The following DBN1 variants were observed in gnomAD, a reference collection of about 807,000 sequenced individuals.
DBN1 encodes drebrin.
A neutral mutation model predicts 83.5 loss-of-function variants in DBN1; 21 were observed. The observed-to-expected ratio is 0.25, with a 90% CI of 0.18 to 0.36. The LOEUF (loss-of-function observed/expected upper bound fraction) is 0.36. Among genes scored for constraint, DBN1 ranks in the 10% least tolerant of loss-of-function variants. The probability of loss-of-function intolerance (pLI) is 1.00; values close to 1 mark genes in which losing one functional copy is unlikely to be tolerated. For synonymous variants in DBN1, 381 were observed against 384.9 expected (o/e 0.99, Z 0.12); for missense variants, 874 against 935.7 (o/e 0.93, Z 0.86).
chr5:177,459,728 C>A lies in DBN1; in HGVS notation c.968G>T (p.Cys323Phe). ...PFNHRPGRPY[C>F]PFIKASDSGP... ...ACTGTCCGATGCCTTTATGAAAGGG[C>A]AGTACGGACGACCTGCCGAGAGAGA... The change falls in exon 11 of 15, where the codon TGC becomes TTC. Residue 323 changes from cysteine to phenylalanine, a missense_variant. Cys to Phe is a radical substitution (Grantham distance 205). Transcript: ENST00000393565. 2 of 1,534,878 alleles carry A rather than the reference C, an allele frequency of 1.3e-6. No individual in the cohort carries two copies. Among genetic ancestry groups the A allele is most frequent in the South Asian group, 2.5e-5 (2 of 79,946 alleles).
chr5:177,457,924 T>A (rs188055232), intron 13 of DBN1, 134 bp downstream of exon 13: 8,552 of 793,620 alleles, frequency 0.011, 49 homozygotes, highest in Middle Eastern at 0.017. Flanking sequence ...GGAGGGAGGG[T>A]GGGATGGACT....
Position 177,458,677 on chromosome 5 carries a change from C to T in DBN1, c.1295G>A (p.Ser432Asn), listed in dbSNP as rs991298884. 5.1e-6 allele frequency: 8 copies of T among 1,561,062 alleles called. No individual in the cohort carries two copies. The highest frequency in any genetic ancestry group is 6.9e-6 in the Non-Finnish European group (8 of 1,157,478). ...ETQEPSPILD[S>N]EETRAAAPQA... ...AGGGGCTGCTGCTCTGGTCTCCTCA[C>T]TGTCTAGGATGGGGCTGGGCTCCTG... is the stretch of plus-strand genomic sequence containing the variant. Residue 432 changes from serine to asparagine, a missense_variant, in exon 13 of 15, where the codon AGT becomes AAT. Coordinates refer to ENST00000393565, the MANE Select transcript of DBN1 (RefSeq NM_001363541.2).
intron 8 of DBN1, among the ~76,000 whole-genome samples, chr5:177,461,094 CTT>C (rs1212164434): frequency 5.5e-5 from 5 of 90,702 alleles, no homozygotes; most frequent in African/African-American, 8.9e-5. Flanking sequence ...TTCTGGCCTT[CTT>C]TTTTTTTTTT....
chr5:177,457,798 G>A (rs764198276), intron 13 of DBN1, 41 bp from the exon 14 acceptor site: 37 of 1,333,484 alleles, frequency 2.8e-5, no homozygotes, highest in Non-Finnish European at 4.0e-5. Flanking sequence ...CCACCCAGCA[G>A]GACTGGGGCT....
chr5:177,458,973 C>T (rs984132552), intron 12 of DBN1, 125 bp downstream of exon 12: 1 of 1,478,002 alleles, frequency 6.8e-7, no homozygotes, highest in Non-Finnish European at 9.0e-7. Flanking sequence ...ACAGCCGCCT[C>T]CAGGGCAGTG....
rs143633279 is a variant in DBN1 at position 177,458,507 on chromosome 5, C to T, written c.1465G>A (p.Ala489Thr). The T allele has an allele frequency of 1.9e-5, 31 of 1,613,656 alleles. No homozygotes were observed. The highest frequency in any genetic ancestry group is 1.7e-4 in the African/African-American group (13 of 75,020). The change falls in exon 13 of 15, where the codon GCC becomes ACC. Residue 489 changes from alanine to threonine, a missense_variant. Physicochemically the swap from Ala to Thr is moderately conservative, Grantham distance 58. Transcript: ENST00000393565. ...TCAGCTGCATCGTGGATCTCCGTGG[C>T]GTCAGCTGTGGCAGGCTCCACGGGA... is the stretch of plus-strand genomic sequence containing the variant. Reference protein sequence around the residue: ...AAPVEPATADATEIHDAADTI... With the variant: ...AAPVEPATADTTEIHDAADTI...
rs780050570 is a variant in DBN1 at position 177,458,426 on chromosome 5, G to T, written c.1546C>A (p.Pro516Thr). Reference sequence around the variant, plus strand: ...AGGTCAATGAGGCTGGTGGCGGCGGGGGGTACGTTGTTGGCAACAGTGGTG... The same window carrying T: ...AGGTCAATGAGGCTGGTGGCGGCGGTGGGTACGTTGTTGGCAACAGTGGTG... ...ADTTVANNVP[P>T]AATSLIDLWP... The change falls in exon 13 of 15, where the codon CCC becomes ACC. Residue 516 changes from proline to threonine, a missense_variant. This residue lies in a region of DBN1 where 725 missense variants were observed against 719.7 expected (regional missense o/e 1.01). Coordinates refer to ENST00000393565, the MANE Select transcript of DBN1 (RefSeq NM_001363541.2). The T allele has an allele frequency of 3.7e-5, 60 of 1,614,088 alleles. No homozygotes were observed. The Middle Eastern group carries it at 1.2e-3, about 31-fold the overall frequency.
intron 12 of DBN1, 151 bp from the exon 13 acceptor site, chr5:177,458,858 C>T (rs337422): frequency 0.025 from 28,585 of 1,124,194 alleles, 522 homozygotes; most frequent in Middle Eastern, 0.031. Flanking sequence ...CTTTAAGCCC[C>T]TTGGCAGCTC....
At chr5:177,459,865 G>A (rs1367680364) in intron 10 of DBN1, 125 bp from the exon 11 acceptor site, 8 of 1,140,856 alleles carry the variant, frequency 7.0e-6, no homozygotes, top group Admixed American at 3.2e-5. Flanking sequence ...CTTCAGCCAG[G>A]GGCACAATCA....
chr5:177,461,958 C>T (rs1757074009), intron 8 of DBN1, among the ~76,000 whole-genome samples: 1 of 152,178 alleles, frequency 6.6e-6, no homozygotes, highest in East Asian at 1.9e-4. Context: ...GATGAGGGTC[C>T]CAGTTTCTCT....
Position 177,458,600 on chromosome 5 carries a change from G to T in DBN1, c.1372C>A (p.Arg458=). The change falls in exon 13 of 15, where the codon CGG becomes AGG. Residue 458 remains arginine (R), a synonymous_variant. Transcript: ENST00000393565. ...TCCTCTGCAGGGCTGCCTGGCCCCCGGGGAGGCGCCTGTGCCTGAGGGGGC... is the reference window on the plus strand; with the variant it reads ...TCCTCTGCAGGGCTGCCTGGCCCCCTGGGAGGCGCCTGTGCCTGAGGGGGC... The part of the protein sequence containing the change: ...EEPPQAQAPP[R]GPGSPAEDLM... 1.2e-6 allele frequency: 2 copies of T among 1,612,472 alleles called. No individual in the cohort carries two copies. The highest frequency in any genetic ancestry group is 2.2e-5 in the South Asian group (2 of 90,964).
At position 177,467,396 on chromosome 5, in the gene DBN1, G is replaced by A; in HGVS notation, c.478-64C>T. 6.2e-7 allele frequency: 1 copy of A among 1,613,552 alleles called. No homozygotes were observed. The highest frequency in any genetic ancestry group is 1.7e-5 in the Admixed American group (1 of 60,004). ...CCCCAGGAACCCCCGACACCTAAAG[G>A]GTGAGAGCTAAGAGGGACCGGGCAG... On this transcript the variant is annotated intron_variant, in intron 5 of 14. Transcript: ENST00000393565. This position sits in a 1 kb window ranked among gnomAD's most constrained non-coding sequence, Gnocchi z 9.1.
intron 12 of DBN1, 32 bp from the exon 13 acceptor site, chr5:177,458,739 C>A: frequency 6.8e-7 from 1 of 1,475,156 alleles, no homozygotes; most frequent in Non-Finnish European, 8.9e-7. Flanking sequence ...AGATATGTAA[C>A]CGGCTCCCCT....
At chr5:177,472,696 G>A in intron 1 of DBN1, 1 of 720,208 alleles carries the variant, frequency 1.4e-6, no homozygotes, top group Non-Finnish European at 1.7e-6. Context: ...GATCTCAGCT[G>A]GCCCCTTAGG....
chr5:177,467,707 T>G lies in DBN1; in HGVS notation c.330+36A>C. ...CCCAGCACGCAGACCCTGGTGGCTGTCCCCACCCCCAAGAGCGCTGGCCCC... is the reference window on the plus strand; with the variant it reads ...CCCAGCACGCAGACCCTGGTGGCTGGCCCCACCCCCAAGAGCGCTGGCCCC... On this transcript the variant is annotated intron_variant, in intron 4 of 14. Coordinates refer to ENST00000393565, the MANE Select transcript of DBN1 (RefSeq NM_001363541.2). The surrounding 1 kb of genome is among the most constrained non-coding windows in gnomAD (Gnocchi z 9.1). The G allele has an allele frequency of 6.4e-7, 1 of 1,552,428 alleles. No homozygotes were observed. The highest frequency in any genetic ancestry group is 8.7e-7 in the Non-Finnish European group (1 of 1,147,804).
At position 177,464,870 on chromosome 5, in the gene DBN1, G is replaced by A. The variant is rs574738601; in HGVS notation, c.771+1902C>T. Among the ~76,000 whole-genome samples the A allele has an allele frequency of 4.0e-5, 6 of 149,652 alleles. No individual in the cohort carries two copies. In the South Asian group the frequency reaches 1.3e-3, roughly 32 times the overall value. ...CAGGAAAATCACTTAAACCTGGGAG[G>A]CAGGCCGGGTGCAGTGGCTCACGCC... On this transcript the variant is annotated intron_variant, in intron 8 of 14. Transcript: ENST00000393565.
chr5:177,464,864 T>C (rs1417876162), intron 8 of DBN1, among the ~76,000 whole-genome samples: 1 of 148,310 alleles, frequency 6.7e-6, no homozygotes, highest in Non-Finnish European at 1.5e-5. Flanking sequence ...CACTTAAACC[T>C]GGGAGGCAGG....
rs542124172 is a variant in DBN1, at chr5:177,467,898, G to C, written c.256-81C>G. On this transcript the variant is annotated intron_variant, in intron 3 of 14. Coordinates refer to ENST00000393565, the MANE Select transcript of DBN1 (RefSeq NM_001363541.2). The surrounding 1 kb of genome is among the most constrained non-coding windows in gnomAD (Gnocchi z 9.1). Reference sequence around the variant, plus strand: ...ATAGGGTGCATCTTCCCCGGGGTGGGAAGAGGGTGGGCTTCCCTCTCCACG... The same window carrying C: ...ATAGGGTGCATCTTCCCCGGGGTGGCAAGAGGGTGGGCTTCCCTCTCCACG... The C allele has an allele frequency of 2.5e-5, 39 of 1,539,902 alleles. No individual in the cohort carries two copies. The African/African-American group carries it at 5.2e-4, about 20-fold the overall frequency.
intron 10 of DBN1, among the ~76,000 whole-genome samples, chr5:177,460,046 C>T (rs1323190039): frequency 1.3e-5 from 2 of 152,212 alleles, no homozygotes; most frequent in African/African-American, 4.8e-5. Context: ...AGAAGCGGAA[C>T]GGGGACACCT....
Sources: gnomAD v4.1 joint callset for allele counts (sites outside exome capture counted in the v4.1 genomes callset) on GRCh38, gnomAD v4.1.1 for gene constraint, gnomAD v4.1.1 regional missense constraint, Gnocchi (gnomAD v3.1) non-coding constraint, MANE v1.5 for transcripts, NCBI Gene and HGNC (gene_info 2026-07-23, HGNC 2026-07-21) for gene names.